H2BK1: variants seen among roughly 807,000 people sequenced by gnomAD.
H2BK1 encodes the protein H2B.K variant histone 1.
At chr7:151,209,188 G>A in the H2BK1 span, among the ~76,000 whole-genome samples, 5 of 151,854 alleles carry the variant, frequency 3.3e-5, no homozygotes, top group East Asian at 1.9e-4. Flanking sequence ...CCTCAAAGTC[G>A]GGCTAAGACA....
chr7:151,208,057 C>A, the H2BK1 span: 2 of 1,614,168 alleles, frequency 1.2e-6, no homozygotes, highest in East Asian at 4.5e-5. Flanking sequence ...CGTTTACAAA[C>A]GAGTTCATGA....
the H2BK1 span, among the ~76,000 whole-genome samples, chr7:151,210,003 G>A: frequency 6.6e-6 from 1 of 152,144 alleles, no homozygotes; most frequent in African/African-American, 2.4e-5. Flanking sequence ...TATCACCGGT[G>A]CCCAAGATCC....
chr7:151,208,195 G>A, the H2BK1 span: 4 of 1,385,882 alleles, frequency 2.9e-6, no homozygotes, highest in South Asian at 1.2e-5. Context: ...CCCTGAGCTG[G>A]GGGCTCTAGG....
the H2BK1 span, among the ~76,000 whole-genome samples, chr7:151,209,577 G>A: frequency 6.6e-6 from 1 of 152,174 alleles, no homozygotes; most frequent in African/African-American, 2.4e-5. Flanking sequence ...CATGAATATA[G>A]GGCACCTGCA....
At chr7:151,210,153 G>A in the H2BK1 span, 1 of 398,798 alleles carries the variant, frequency 2.5e-6, no homozygotes, top group Non-Finnish European at 4.4e-6. Flanking sequence ...CTTTGTGAGG[G>A]CATCCCTCAC....
At chr7:151,208,226 G>A in the H2BK1 span, 1 of 951,002 alleles carries the variant, frequency 1.1e-6, no homozygotes, top group South Asian at 1.5e-5. Context: ...CAGAAGGCAA[G>A]GAGGCTCCTC....
At chr7:151,209,801 A>G in the H2BK1 span, among the ~76,000 whole-genome samples, 10,706 of 152,210 alleles carry the variant, frequency 0.07, 494 homozygotes, top group Admixed American at 0.12. Context: ...CCAAGACTCC[A>G]GTTCACCCTG....
chr7:151,209,360 A>G, the H2BK1 span, among the ~76,000 whole-genome samples: 1 of 149,990 alleles, frequency 6.7e-6, no homozygotes, highest in Non-Finnish European at 1.5e-5. Context: ...CTAAACCGCT[A>G]ATGGGATTTG....
At chr7:151,207,846 C>T in the H2BK1 span, 5 of 825,718 alleles carry the variant, frequency 6.1e-6, no homozygotes, top group South Asian at 5.8e-5. Context: ...AAACAGTTCA[C>T]CCTTTATTTT....
chr7:151,208,155 G>T, the H2BK1 span: 50 of 1,585,716 alleles, frequency 3.2e-5, no homozygotes, highest in Middle Eastern at 1.1e-3. Context: ...GCCAGGGGAG[G>T]GGGGGTCCTG....
the H2BK1 span, chr7:151,208,155 G>C: frequency 1.3e-6 from 2 of 1,585,722 alleles, no homozygotes; most frequent in East Asian, 2.2e-5. Flanking sequence ...GCCAGGGGAG[G>C]GGGGGTCCTG....
chr7:151,208,054 A>G, the H2BK1 span: 266 of 1,614,214 alleles, frequency 1.6e-4, no homozygotes, highest in African/African-American at 3.1e-3. Flanking sequence ...CGTCGTTTAC[A>G]AACGAGTTCA....
chr7:151,210,410 C>G, the H2BK1 span: 8 of 152,118 alleles, frequency 5.3e-5, no homozygotes, highest in East Asian at 3.4e-4. Context: ...GGACATGCAC[C>G]TGGGAGGGGG....
At chr7:151,210,195 G>C in the H2BK1 span, 1 of 399,090 alleles carries the variant, frequency 2.5e-6, no homozygotes, top group Non-Finnish European at 4.4e-6. Context: ...ACCTGCTTCA[G>C]CACCTTGTAG....
the H2BK1 span, chr7:151,208,217 A>G: frequency 9.2e-7 from 1 of 1,085,170 alleles, no homozygotes; most frequent in Non-Finnish European, 1.4e-6. Flanking sequence ...AGCCAGAGGC[A>G]GAAGGCAAGG....
the H2BK1 span, among the ~76,000 whole-genome samples, chr7:151,208,561 G>A: frequency 6.6e-6 from 1 of 152,190 alleles, no homozygotes; most frequent in African/African-American, 2.4e-5. Flanking sequence ...TGGTGCTATG[G>A]TAAATGCCCA....
chr7:151,209,356 C>T, the H2BK1 span, among the ~76,000 whole-genome samples: 9 of 150,986 alleles, frequency 6.0e-5, no homozygotes, highest in Non-Finnish European at 8.9e-5. Context: ...TTCACTAAAC[C>T]GCTAATGGGA....
the H2BK1 span, chr7:151,208,139 G>A: frequency 6.2e-7 from 1 of 1,604,366 alleles, no homozygotes; most frequent in African/African-American, 1.3e-5. Flanking sequence ...TCGGTTAATG[G>A]AAGGGGCCAG....
the H2BK1 span, among the ~76,000 whole-genome samples, chr7:151,209,332 A>ACC: frequency 1.5e-5 from 2 of 137,454 alleles, no homozygotes; most frequent in Admixed American, 1.5e-4. Context: ...ATTCCCAGGC[A>ACC]CCCAGGTTGT....
Sources: gnomAD v4.1 joint callset for allele counts (sites outside exome capture counted in the v4.1 genomes callset) on GRCh38, gnomAD v4.1.1 for gene constraint, MANE v1.5 for transcripts, NCBI Gene and HGNC (gene_info 2026-07-23, HGNC 2026-07-21) for gene names.